The following CACNG4 variants were observed in gnomAD, a reference collection of about 807,000 sequenced individuals.
CACNG4 encodes calcium voltage-gated channel auxiliary subunit gamma 4, also known as voltage-dependent calcium channel gamma-4 subunit.
A neutral mutation model predicts 22.9 loss-of-function variants in CACNG4; 8 were observed. The observed-to-expected ratio is 0.35, with a 90% CI of 0.21 to 0.63. The LOEUF (loss-of-function observed/expected upper bound fraction) is 0.63. CACNG4 is among the 30% of genes least tolerant of loss of function. CACNG4 has a pLI of 0.72. For missense variants in CACNG4, 357 were observed against 455.4 expected, an observed-to-expected ratio of 0.78 and a Z score of 1.97; for synonymous variants, 188 against 191.9, an observed-to-expected ratio of 0.98 and a Z score of 0.17.
intron 2 of CACNG4, among the ~76,000 whole-genome samples, chr17:67,024,502 C>T (rs547161016): frequency 2.4e-4 from 36 of 152,330 alleles, no homozygotes; most frequent in East Asian, 5.8e-4. Flanking sequence ...ACGGAGACTG[C>T]GTTCATGCAA....
At chr17:66,994,959 G>A (rs1396609764) in intron 1 of CACNG4, among the ~76,000 whole-genome samples, 1 of 152,094 alleles carries the variant, frequency 6.6e-6, no homozygotes, top group African/African-American at 2.4e-5. Flanking sequence ...GGATGCAGCT[G>A]GAGAGAACTG....
At chr17:67,018,898 C>T (rs952277030) in intron 2 of CACNG4, among the ~76,000 whole-genome samples, 2 of 152,094 alleles carry the variant, frequency 1.3e-5, no homozygotes, top group African/African-American at 4.8e-5. Flanking sequence ...GCATGTGGCC[C>T]GCAGACTGAA....
chr17:67,030,373 C>A lies in CACNG4; in HGVS notation c.446-93C>A. On this transcript the variant is annotated intron_variant, in intron 3 of 3. Transcript: ENST00000262138. This position sits in a 1 kb window ranked among gnomAD's most constrained non-coding sequence, Gnocchi z 6.4. ...AATACTCATCAGAGAGGGGAGTGTC[C>A]ACCTGTTCCCTACACTGCCCGTCCC... 9.6e-7 allele frequency: 1 copy of A among 1,036,798 alleles called. No individual in the cohort carries two copies. Among genetic ancestry groups the A allele is most frequent in the South Asian group, 1.5e-5 (1 of 66,734 alleles). 64.2% of individuals were successfully genotyped at this position (1,036,798 alleles called of 1,614,324 possible).
intron 1 of CACNG4, among the ~76,000 whole-genome samples, chr17:66,986,671 A>C (rs758120027): frequency 1.3e-5 from 2 of 152,196 alleles, no homozygotes; most frequent in Non-Finnish European, 2.9e-5. Flanking sequence ...CTCTTTAACT[A>C]TCTCCAATTT....
At chr17:67,008,312 G>A (rs947887317) in intron 1 of CACNG4, among the ~76,000 whole-genome samples, 1 of 152,190 alleles carries the variant, frequency 6.6e-6, no homozygotes, top group Non-Finnish European at 1.5e-5. Context: ...AGCCTGGCTT[G>A]CTGAAGCTGG....
chr17:67,025,211 G>A (rs779341028), intron 3 of CACNG4, among the ~76,000 whole-genome samples: 1 of 152,266 alleles, frequency 6.6e-6, no homozygotes, highest in Non-Finnish European at 1.5e-5. Context: ...TCCTTTTGGG[G>A]TGACAGAAAT....
At chr17:67,018,688 C>T (rs2035514901) in intron 2 of CACNG4, among the ~76,000 whole-genome samples, 1 of 152,184 alleles carries the variant, frequency 6.6e-6, no homozygotes, top group African/African-American at 2.4e-5. Context: ...CCTCCCCACC[C>T]TCTCCTGCAT....
intron 1 of CACNG4, 71 bp from the exon 2 acceptor site, chr17:67,018,118 C>A: frequency 8.6e-7 from 1 of 1,162,384 alleles, no homozygotes; most frequent in Non-Finnish European, 1.3e-6. Context: ...ACATGGCAAC[C>A]GTGTCTGGAG....
chr17:67,032,684 C>G lies in CACNG4; in HGVS notation c.*1680C>G, dbSNP rs1283768284. 6.5e-6 allele frequency: 1 copy of G among 154,148 alleles called. No individual in the cohort carries two copies. The highest frequency in any genetic ancestry group is 6.4e-5 in the Admixed American group (1 of 15,648). The allele number at this position is 154,148 out of a possible 1,614,324, so 9.5% of individuals were successfully genotyped here. On this transcript the variant is annotated 3_prime_UTR_variant, in exon 4 of 4. Coordinates refer to ENST00000262138, the MANE Select transcript of CACNG4 (RefSeq NM_014405.4). ...GATCTGAAATGAGGCCTGCCAGGGC[C>G]CCTGTGTGCTGTGCTCCAGAGCCTT... is the stretch of plus-strand genomic sequence containing the variant.
chr17:66,973,305 C>T (rs1241537839), intron 1 of CACNG4, among the ~76,000 whole-genome samples: 1 of 151,944 alleles, frequency 6.6e-6, no homozygotes, highest in African/African-American at 2.4e-5. Context: ...ATGGGATGAC[C>T]TGGCATATGC....
chr17:67,005,015 T>C (rs972420074), intron 1 of CACNG4, among the ~76,000 whole-genome samples: 4 of 152,108 alleles, frequency 2.6e-5, no homozygotes, highest in Admixed American at 6.6e-5. Context: ...TGAGGCACCC[T>C]GCCCCGTCCC....
intron 1 of CACNG4, among the ~76,000 whole-genome samples, chr17:67,016,742 A>G (rs2035500923): frequency 6.6e-6 from 1 of 152,166 alleles, no homozygotes. Flanking sequence ...TGACATGGAT[A>G]GGACGTGGCG....
intron 2 of CACNG4, among the ~76,000 whole-genome samples, chr17:67,021,239 C>G (rs1441629199): frequency 6.6e-6 from 1 of 152,030 alleles, no homozygotes; most frequent in African/African-American, 2.4e-5. Flanking sequence ...TGCTATGTAC[C>G]AGGCACTGTA....
At position 66,984,308 on chromosome 17, in the gene CACNG4, G is replaced by C. The variant is rs189776753; in HGVS notation, c.220+19177G>C. On this transcript the variant is annotated intron_variant, in intron 1 of 3. Coordinates refer to ENST00000262138, the MANE Select transcript of CACNG4 (RefSeq NM_014405.4). This position sits in a 1 kb window ranked among gnomAD's most constrained non-coding sequence, Gnocchi z 4.0. The stretch of plus-strand genomic sequence containing the variant: ...AGGTGGGAGGATTGCCTGAGCCCTG[G>C]AGTTTGAGGCTGCAGTGAGCCACCA... 1.3e-3 allele frequency among the ~76,000 whole-genome samples: 199 copies of C among 152,284 alleles called. 1 individual carries two copies. The highest frequency in any genetic ancestry group is 2.1e-3 in the Non-Finnish European group (140 of 68,020).
chr17:66,983,468 A>T (rs1299649857), intron 1 of CACNG4, among the ~76,000 whole-genome samples: 2 of 151,948 alleles, frequency 1.3e-5, no homozygotes, highest in African/African-American at 2.4e-5. Context: ...AGAGAGCAGG[A>T]CCCGCCCCTC....
rs2035607886 is a variant in CACNG4, at chr17:67,031,723, T to A, written c.*719T>A. 2.2e-6 allele frequency: 1 copy of A among 456,616 alleles called. No homozygotes were observed. The highest frequency in any genetic ancestry group is 2.3e-5 in the Admixed American group (1 of 42,566). The allele number at this position is 456,616 out of a possible 1,614,324, so 28.3% of individuals were successfully genotyped here. On this transcript the variant is annotated 3_prime_UTR_variant, in exon 4 of 4. Coordinates refer to ENST00000262138, the MANE Select transcript of CACNG4 (RefSeq NM_014405.4). This position sits in a 1 kb window ranked among gnomAD's most constrained non-coding sequence, Gnocchi z 4.0. ...GCTATCCTCTTTGCTTCTGGAAGTTTCTGCCTCACTCAGAATGGGCAGGAC... is the reference window on the plus strand; with the variant it reads ...GCTATCCTCTTTGCTTCTGGAAGTTACTGCCTCACTCAGAATGGGCAGGAC...
intron 1 of CACNG4, among the ~76,000 whole-genome samples, chr17:66,992,253 T>A (rs1329843597): frequency 1.3e-5 from 2 of 151,964 alleles, no homozygotes; most frequent in Non-Finnish European, 2.9e-5. Context: ...GCTACATGAA[T>A]GAATAGGTCC....
rs1039518311 is a variant in CACNG4, at chr17:67,032,315, C to T, written c.*1311C>T. 2 of 299,286 alleles carry T rather than the reference C, an allele frequency of 6.7e-6. No individual in the cohort carries two copies. Among genetic ancestry groups the T allele is most frequent in the South Asian group, 3.2e-5 (1 of 31,322 alleles). The allele number at this position is 299,286 out of a possible 1,614,324, so 18.5% of individuals were successfully genotyped here. On this transcript the variant is annotated 3_prime_UTR_variant, in exon 4 of 4. Coordinates refer to ENST00000262138, the MANE Select transcript of CACNG4 (RefSeq NM_014405.4). ...CTGAAGCAAGCAAAGAGCGTGGAGG[C>T]GTGTGCAGGCTTGGAAGAAGAACTC...
chr17:67,005,879 A>G (rs1243740055), intron 1 of CACNG4, among the ~76,000 whole-genome samples: 2 of 152,186 alleles, frequency 1.3e-5, no homozygotes, highest in African/African-American at 4.8e-5. Flanking sequence ...CCGAGTCACT[A>G]TGGAAGCCAT....
Sources: allele counts gnomAD v4.1 joint callset (sites outside exome capture counted in the v4.1 genomes callset), GRCh38; gene constraint gnomAD v4.1.1; non-coding constraint Gnocchi (gnomAD v3.1); transcripts MANE v1.5; gene names NCBI Gene and HGNC (gene_info 2026-07-23, HGNC 2026-07-21).